SLC23A2: variants seen among roughly 807,000 people sequenced by gnomAD.
SLC23A2 encodes the protein Na(+)/L-ascorbic acid transporter 2.
In SLC23A2, 36 loss-of-function variants were observed where a neutral mutation model predicts 73.3. The observed-to-expected ratio is 0.49, with a 90% CI of 0.38 to 0.65. The LOEUF (loss-of-function observed/expected upper bound fraction) is 0.65, where lower values mean the gene tolerates loss of function less well. Ranked by LOEUF, SLC23A2 falls within the 30% of genes least tolerant of loss-of-function variation. The probability of loss-of-function intolerance (pLI) is 0.00; values close to 1 mark genes in which losing one functional copy is unlikely to be tolerated. For synonymous variants in SLC23A2, 343 were observed against 327.3 expected, an observed-to-expected ratio of 1.05 and a Z score of -0.52; for missense variants, 507 against 841.6, an observed-to-expected ratio of 0.60 and a Z score of 4.92.
intron 2 of SLC23A2, among the ~76,000 whole-genome samples, chr20:4,948,448 T>A (rs1358589420): frequency 6.6e-6 from 1 of 152,158 alleles, no homozygotes; most frequent in Admixed American, 6.5e-5. Context: ...TCCCCACTAG[T>A]CCAGTATACC....
At chr20:4,974,642 A>T (rs1252664658) in intron 1 of SLC23A2, among the ~76,000 whole-genome samples, 1 of 152,120 alleles carries the variant, frequency 6.6e-6, no homozygotes, top group African/African-American at 2.4e-5. Context: ...TTTATTTTTA[A>T]CCTTATACTA....
intron 4 of SLC23A2, among the ~76,000 whole-genome samples, chr20:4,906,858 T>C (rs978987814): frequency 5.3e-5 from 8 of 152,050 alleles, no homozygotes; most frequent in Non-Finnish European, 1.5e-5. Context: ...TGGAAATTGT[T>C]TGGATGATTT....
At position 4,854,755 on chromosome 20, in the gene SLC23A2, TGA is replaced by T. The variant is rs1929653635; in HGVS notation, c.*2215_*2216del. ...TTCTGGATGACTAGAGCAGACACCT[TGA>T]GTGTTATGCAGCGGAAGACGCCCAG... On this transcript the variant is annotated 3_prime_UTR_variant, in exon 17 of 17. Transcript: ENST00000338244. 1 of 152,126 alleles carries T rather than the reference TGA, an allele frequency of 6.6e-6. No homozygotes were observed. The highest frequency in any genetic ancestry group is 2.4e-5 in the African/African-American group (1 of 41,420). The allele number at this position is 152,126 out of a possible 1,614,324, so 9.4% of individuals were successfully genotyped here. A position where few individuals can be genotyped will look rare whatever the true frequency, so the allele number is the denominator to read the frequency against.
intron 4 of SLC23A2, among the ~76,000 whole-genome samples, chr20:4,909,468 A>G (rs1485363087): frequency 1.3e-5 from 2 of 152,190 alleles, no homozygotes; most frequent in Admixed American, 6.5e-5. Flanking sequence ...TTAGACAATC[A>G]TGTTAAAATG....
At position 4,888,778 on chromosome 20, in the gene SLC23A2, C is replaced by A. The variant is rs75850295; in HGVS notation, c.483-2869G>T. On this transcript the variant is annotated intron_variant, in intron 6 of 16. Coordinates refer to ENST00000338244, the MANE Select transcript of SLC23A2 (RefSeq NM_005116.6). ...ATCTCCTTTGAATCTGTAATGTGTTCCCCTACAACTTAGGACTTTTTGTCA... is the reference window on the plus strand; with the variant it reads ...ATCTCCTTTGAATCTGTAATGTGTTACCCTACAACTTAGGACTTTTTGTCA... 4.6e-3 allele frequency among the ~76,000 whole-genome samples: 701 copies of A among 152,306 alleles called. 3 individuals carry two copies. Among genetic ancestry groups the A allele is most frequent in the Non-Finnish European group, 7.5e-3 (508 of 68,038 alleles).
At chr20:4,984,270 C>T (rs1211236834) in intron 1 of SLC23A2, among the ~76,000 whole-genome samples, 1 of 151,390 alleles carries the variant, frequency 6.6e-6, no homozygotes, top group African/African-American at 2.4e-5. Flanking sequence ...AAGACCCAGT[C>T]TCGGCCGGGT....
At chr20:4,971,299 AACACACACACACACACACACAC>A (rs35758430) in intron 1 of SLC23A2, among the ~76,000 whole-genome samples, 1 of 142,422 alleles carries the variant, frequency 7.0e-6, no homozygotes, top group Non-Finnish European at 1.5e-5. Flanking sequence ...GTCTCTACAA[AACACACACACACACACACACAC>A]ACACACACAC....
chr20:4,987,741 G>A (rs1042688918), intron 1 of SLC23A2, among the ~76,000 whole-genome samples: 8 of 151,774 alleles, frequency 5.3e-5, no homozygotes, highest in South Asian at 4.2e-4. Flanking sequence ...CCAGCTACTC[G>A]GGAGGCTGAG....
chr20:4,912,667 CA>C (rs36084071), intron 4 of SLC23A2, among the ~76,000 whole-genome samples: 1,675 of 73,988 alleles, frequency 0.023, 21 homozygotes, highest in African/African-American at 0.045. Flanking sequence ...TTAAAACAAT[CA>C]AAAAAAAAAA....
intron 13 of SLC23A2, among the ~76,000 whole-genome samples, chr20:4,865,476 G>A (rs1930156933): frequency 6.6e-6 from 1 of 152,180 alleles, no homozygotes; most frequent in Non-Finnish European, 1.5e-5. Flanking sequence ...GGATACATCA[G>A]CTCATTAAAA....
Position 4,867,838 on chromosome 20 carries a change from C to T in SLC23A2, c.1288G>A (p.Gly430Ser). The change falls in exon 13 of 17, where the codon GGC becomes AGC. Residue 430 changes from glycine (G) to serine (S), a missense_variant. Around this residue, in one of 5 missense-constraint regions of SLC23A2, gnomAD observed 168 missense variants for 302.3 expected, o/e 0.56. Coordinates refer to ENST00000338244, the MANE Select transcript of SLC23A2 (RefSeq NM_005116.6). Reference sequence around the variant, plus strand: ...GAGCCATTCCCAGTACCAAATATGCCATCAAGAACACAGGAGAGGCCTTCC... The same window carrying T: ...GAGCCATTCCCAGTACCAAATATGCTATCAAGAACACAGGAGAGGCCTTCC... The part of the protein sequence containing the change: ...FVEGLSCVLD[G>S]IFGTGNGSTS... The T allele has an allele frequency of 6.2e-7, 1 of 1,611,334 alleles. No homozygotes were observed. Among genetic ancestry groups the T allele is most frequent in the Non-Finnish European group, 8.5e-7 (1 of 1,177,718 alleles).
chr20:4,948,769 TA>T (rs1331525038), intron 2 of SLC23A2, among the ~76,000 whole-genome samples: 5 of 152,248 alleles, frequency 3.3e-5, no homozygotes, highest in Admixed American at 3.3e-4. Context: ...TTATATTCAT[TA>T]AATACAGAGA....
At chr20:4,864,664 A>G (rs941355371) in intron 13 of SLC23A2, among the ~76,000 whole-genome samples, 5 of 152,222 alleles carry the variant, frequency 3.3e-5, no homozygotes, top group African/African-American at 4.8e-5. Context: ...GCAAAGATGA[A>G]TAAGTCACAA....
chr20:4,963,373 A>C (rs1196723066), intron 2 of SLC23A2, among the ~76,000 whole-genome samples: 2 of 152,158 alleles, frequency 1.3e-5, no homozygotes, highest in Non-Finnish European at 2.9e-5. Flanking sequence ...CCAGCAAGCC[A>C]CCAAGTCAGG....
At position 4,883,492 on chromosome 20, in the gene SLC23A2, A is replaced by G; in HGVS notation, c.824+150T>C. 1 of 594,550 alleles carries G rather than the reference A, an allele frequency of 1.7e-6. No individual in the cohort carries two copies. The highest frequency in any genetic ancestry group is 2.9e-6 in the Non-Finnish European group (1 of 349,402). The allele number at this position is 594,550 out of a possible 1,614,324, so 36.8% of individuals were successfully genotyped here. On this transcript the variant is annotated intron_variant, in intron 9 of 16. Transcript: ENST00000338244. The surrounding 1 kb of genome is among the most constrained non-coding windows in gnomAD (Gnocchi z 4.5). ...GTCACTTCCCAAACTCTGGGTCAAA[A>G]ACCCTTCAACTATTCCCCAGCACGA...
At chr20:4,976,484 T>C (rs1042894478) in intron 1 of SLC23A2, among the ~76,000 whole-genome samples, 1 of 151,082 alleles carries the variant, frequency 6.6e-6, no homozygotes, top group African/African-American at 2.4e-5. Flanking sequence ...GAGACCAGCC[T>C]GGCCAACACG....
At chr20:4,932,010 C>CT (rs752504790) in intron 3 of SLC23A2, among the ~76,000 whole-genome samples, 5 of 152,188 alleles carry the variant, frequency 3.3e-5, no homozygotes, top group African/African-American at 4.8e-5. Context: ...ACTGCTATCA[C>CT]TTATTTGGAT....
At chr20:4,920,529 A>G (rs1241812205) in intron 3 of SLC23A2, among the ~76,000 whole-genome samples, 1 of 152,246 alleles carries the variant, frequency 6.6e-6, no homozygotes, top group Non-Finnish European at 1.5e-5. Flanking sequence ...TATTTGTAAT[A>G]GCAAAACATT....
At chr20:4,912,481 A>AT (rs993035145) in intron 4 of SLC23A2, among the ~76,000 whole-genome samples, 1 of 151,860 alleles carries the variant, frequency 6.6e-6, no homozygotes, top group African/African-American at 2.4e-5. Flanking sequence ...TTTTATTCCC[A>AT]TTTTAGAGAC....
Sources: allele counts gnomAD v4.1 joint callset (sites outside exome capture counted in the v4.1 genomes callset), GRCh38; gene constraint gnomAD v4.1.1; regional missense constraint gnomAD v4.1.1; non-coding constraint Gnocchi (gnomAD v3.1); transcripts MANE v1.5; gene names NCBI Gene and HGNC (gene_info 2026-07-23, HGNC 2026-07-21).